The following ACO2 variants were observed in gnomAD, a reference collection of about 807,000 sequenced individuals.
ACO2 encodes aconitase 2.
A neutral mutation model predicts 84.5 loss-of-function variants in ACO2; 31 were observed. That is an observed-to-expected ratio of 0.37 (90% CI 0.28 to 0.50). The LOEUF is 0.50. ACO2 is among the 20% of genes least tolerant of loss of function. The pLI, the probability that ACO2 is intolerant of heterozygous loss-of-function variation, is 0.97. For missense variants in ACO2, 685 were observed against 1,029.3 expected (o/e 0.67, Z 4.58); for synonymous variants, 414 against 412.7 (o/e 1.00, Z -0.04).
At chr22:41,524,149 G>A (rs1216044050) in intron 12 of ACO2, among the ~76,000 whole-genome samples, 2 of 152,210 alleles carry the variant, frequency 1.3e-5, no homozygotes, top group African/African-American at 4.8e-5. Context: ...AGTGGTTTGT[G>A]CTTATGAGCA....
At position 41,469,154 on chromosome 22, in the gene ACO2, C is replaced by T. The variant is rs1175733669; in HGVS notation, c.8C>T (p.Pro3Leu). The change falls in exon 1 of 18, where the codon CCC (proline) becomes CTC (leucine). Residue 3 changes from proline (P) to leucine (L), a missense_variant. Physicochemically the swap from Pro to Leu is moderately conservative, Grantham distance 98. Around this residue, in one of 5 missense-constraint regions of ACO2, gnomAD observed 98 missense variants for 107.6 expected, o/e 0.91. Transcript: ENST00000216254. ...TCTTTGTCAGTGCACAAAATGGCGC[C>T]CTACAGCCTACTGGTGACTCGGCTG... is the stretch of plus-strand genomic sequence containing the variant. The part of the protein sequence containing the change: MA[P>L]YSLLVTRLQK... 6.2e-7 allele frequency: 1 copy of T among 1,609,430 alleles called. No individual in the cohort carries two copies. The highest frequency in any genetic ancestry group is 8.5e-7 in the Non-Finnish European group (1 of 1,177,786).
chr22:41,526,465 T>C lies in ACO2; in HGVS notation c.1953+12T>C. ...CCCGCTACTACAAGGTGGGTCAGAGTTGATAGGGGCAATGCCAGTGGTCAC... is the reference window on the plus strand; with the variant it reads ...CCCGCTACTACAAGGTGGGTCAGAGCTGATAGGGGCAATGCCAGTGGTCAC... On this transcript the variant is annotated intron_variant, in intron 15 of 17. Transcript: ENST00000216254. The C allele has an allele frequency of 6.2e-7, 1 of 1,606,598 alleles. No individual in the cohort carries two copies. Among genetic ancestry groups the C allele is most frequent in the Non-Finnish European group, 8.5e-7 (1 of 1,175,170 alleles).
intron 1 of ACO2, among the ~76,000 whole-genome samples, chr22:41,475,839 A>C (rs545688012): frequency 1.3e-5 from 2 of 150,516 alleles, no homozygotes; most frequent in East Asian, 4.0e-4. Context: ...TGGAGGTTGC[A>C]GTGAGCCGAG....
chr22:41,485,308 C>CT (rs1195634656), intron 1 of ACO2, among the ~76,000 whole-genome samples: 8 of 145,808 alleles, frequency 5.5e-5, no homozygotes, highest in East Asian at 4.3e-4. Flanking sequence ...CCTGCTTTGT[C>CT]TTTTTTTTCG....
intron 12 of ACO2, 40 bp downstream of exon 12, chr22:41,523,981 T>C: frequency 6.3e-7 from 1 of 1,577,482 alleles, no homozygotes; most frequent in Non-Finnish European, 8.7e-7. Context: ...GGATGGCCTC[T>C]GGGGGTCCCT....
intron 2 of ACO2, among the ~76,000 whole-genome samples, chr22:41,501,239 C>T (rs894982316): frequency 7.9e-5 from 12 of 152,092 alleles, no homozygotes; most frequent in African/African-American, 2.9e-4. Context: ...GGGCTCAAAA[C>T]TGTTCTCCCA....
chr22:41,511,452 G>C (rs183007752), intron 3 of ACO2, among the ~76,000 whole-genome samples: 1 of 152,256 alleles, frequency 6.6e-6, no homozygotes, highest in Non-Finnish European at 1.5e-5. Context: ...GATTACAGGC[G>C]TGAGCCACTG....
intron 4 of ACO2, among the ~76,000 whole-genome samples, chr22:41,513,568 A>G (rs1241974117): frequency 6.6e-6 from 1 of 151,720 alleles, no homozygotes; most frequent in Non-Finnish European, 1.5e-5. Context: ...CGTGCCTGGC[A>G]CAGTGGCTTC....
At chr22:41,483,204 A>T (rs1490130630) in intron 1 of ACO2, among the ~76,000 whole-genome samples, 1 of 152,200 alleles carries the variant, frequency 6.6e-6, no homozygotes, top group East Asian at 1.9e-4. Flanking sequence ...GGCTCCAAGT[A>T]TGGGAAAAAA....
intron 2 of ACO2, among the ~76,000 whole-genome samples, chr22:41,505,053 G>A (rs140128151): frequency 2.1e-3 from 315 of 152,018 alleles, no homozygotes; most frequent in Non-Finnish European, 3.5e-3. Context: ...AAACTTGGGG[G>A]TGAGGGACTG....
chr22:41,482,928 C>T (rs2038105804), intron 1 of ACO2, among the ~76,000 whole-genome samples: 1 of 152,192 alleles, frequency 6.6e-6, no homozygotes, highest in East Asian at 1.9e-4. Flanking sequence ...ATTTAAGAAG[C>T]ATTAGTTTAA....
At chr22:41,487,926 A>G (rs1384136771) in intron 1 of ACO2, among the ~76,000 whole-genome samples, 2 of 151,778 alleles carry the variant, frequency 1.3e-5, no homozygotes, top group East Asian at 1.9e-4. Context: ...CTTCTCTCAC[A>G]CCCCTTGGCC....
chr22:41,515,491 G>A lies in ACO2; in HGVS notation c.640G>A (p.Val214Met). 1 of 1,613,766 alleles carries A rather than the reference G, an allele frequency of 6.2e-7. No homozygotes were observed. The highest frequency in any genetic ancestry group is 8.5e-7 in the Non-Finnish European group (1 of 1,179,854). ...ICIGVGGADAVDVMAGIPWEL... is the reference protein window; with the variant it reads ...ICIGVGGADAMDVMAGIPWEL... ...CATTGGAGTTGGGGGTGCCGATGCT[G>A]TGGATGTCATGGCTGGGATCCCCTG... The change falls in exon 5 of 18, where the codon GTG becomes ATG. Residue 214 changes from valine to methionine, a missense_variant. Physicochemically the swap from Val to Met is conservative, Grantham distance 21. This residue lies in a region of ACO2 where 92 missense variants were observed against 203.7 expected (regional missense o/e 0.45). Coordinates refer to ENST00000216254, the MANE Select transcript of ACO2 (RefSeq NM_001098.3). The surrounding 1 kb of genome is among the most constrained non-coding windows in gnomAD (Gnocchi z 5.8).
chr22:41,496,922 G>A (rs1453193150), intron 1 of ACO2, among the ~76,000 whole-genome samples: 1 of 152,104 alleles, frequency 6.6e-6, no homozygotes, highest in Non-Finnish European at 1.5e-5. Flanking sequence ...TGCTGAGATT[G>A]ACAGCGTTTG....
intron 1 of ACO2, among the ~76,000 whole-genome samples, chr22:41,475,529 C>G (rs987766971): frequency 9.2e-5 from 14 of 152,032 alleles, no homozygotes; most frequent in Non-Finnish European, 2.1e-4. Flanking sequence ...GTTTGGAAGG[C>G]AGTGGTGGGC....
At chr22:41,513,796 CCTT>C (rs1274397975) in intron 4 of ACO2, among the ~76,000 whole-genome samples, 1 of 152,162 alleles carries the variant, frequency 6.6e-6, no homozygotes, top group African/African-American at 2.4e-5. Flanking sequence ...AGGCATTAGT[CCTT>C]CTTCCCAGCC....
At position 41,527,273 on chromosome 22, in the gene ACO2, C is replaced by G; in HGVS notation, c.1954-15C>G. ...CCTCCTCTGCCTTATAACCTTACCC[C>G]CGCTTGCCTGACAGAAACATGGCAT... On this transcript the variant is annotated splice_polypyrimidine_tract_variant and intron_variant, in intron 15 of 17. Transcript: ENST00000216254. 6.2e-7 allele frequency: 1 copy of G among 1,614,164 alleles called. No homozygotes were observed. The highest frequency in any genetic ancestry group is 1.1e-5 in the South Asian group (1 of 91,088).
At chr22:41,509,192 C>T (rs2066416318) in intron 3 of ACO2, among the ~76,000 whole-genome samples, 2 of 152,190 alleles carry the variant, frequency 1.3e-5, no homozygotes, top group Non-Finnish European at 2.9e-5. Context: ...CTGCCCACAA[C>T]AGGGCTGCTA....
In ACO2 at chr22:41,515,978, T is replaced by C; in HGVS notation, c.835+61T>C. 2.5e-6 allele frequency: 4 copies of C among 1,574,008 alleles called. No homozygotes were observed. The highest frequency in any genetic ancestry group is 3.5e-6 in the Non-Finnish European group (4 of 1,158,242). ...TGTGCTGGGCCTGATGGGTCTCCAG[T>C]TGGGAGTAGAAGCGGTGAATGGCCT... On this transcript the variant is annotated intron_variant, in intron 6 of 17. Transcript: ENST00000216254. This position sits in a 1 kb window ranked among gnomAD's most constrained non-coding sequence, Gnocchi z 5.8.
Sources: allele counts gnomAD v4.1 joint callset (sites outside exome capture counted in the v4.1 genomes callset), GRCh38; gene constraint gnomAD v4.1.1; regional missense constraint gnomAD v4.1.1; non-coding constraint Gnocchi (gnomAD v3.1); transcripts MANE v1.5; gene names NCBI Gene and HGNC (gene_info 2026-07-23, HGNC 2026-07-21).